The following CHST8 variants were observed in gnomAD, a reference collection of about 807,000 sequenced individuals.
CHST8 encodes the protein GALNAC-4-ST1.
Under a neutral mutation model 15.0 loss-of-function variants are expected in CHST8, and 10 were observed. The ratio of observed to expected loss-of-function variants is 0.67; its 90% CI spans 0.41 to 1.13. CHST8 has a LOEUF of 1.13. CHST8 is among the 50% of genes most tolerant of loss of function. CHST8 has a pLI of 0.00. For missense variants in CHST8, 634 were observed against 608.2 expected, an observed-to-expected ratio of 1.04 and a Z score of -0.45; for synonymous variants, 259 against 256.6, an observed-to-expected ratio of 1.01 and a Z score of -0.09.
At chr19:33,701,871 C>T (rs745326390) in intron 3 of CHST8, among the ~76,000 whole-genome samples, 4 of 152,192 alleles carry the variant, frequency 2.6e-5, no homozygotes, top group Non-Finnish European at 5.9e-5. Flanking sequence ...CTGAAGCCTG[C>T]GTGGCTCAGC....
At chr19:33,752,924 A>T (rs766146435) in intron 3 of CHST8, among the ~76,000 whole-genome samples, 23 of 152,234 alleles carry the variant, frequency 1.5e-4, no homozygotes, top group Non-Finnish European at 3.2e-4. Context: ...TAAAACAAAC[A>T]ACAATTTTTT....
At chr19:33,752,694 T>A (rs937014887) in intron 3 of CHST8, among the ~76,000 whole-genome samples, 3 of 152,160 alleles carry the variant, frequency 2.0e-5, no homozygotes. Context: ...ATTGTGGCAA[T>A]TAAAATCCTT....
chr19:33,756,744 G>A (rs543810132), intron 3 of CHST8, among the ~76,000 whole-genome samples: 6 of 152,152 alleles, frequency 3.9e-5, no homozygotes, highest in Non-Finnish European at 7.4e-5. Context: ...ACCTGAATTT[G>A]TTTTCCCACT....
chr19:33,765,589 G>A (rs78840370), intron 3 of CHST8, among the ~76,000 whole-genome samples: 1,637 of 150,570 alleles, frequency 0.011, 26 homozygotes, highest in African/African-American at 0.038. Flanking sequence ...GAGAGACGGA[G>A]TCTTACTCTG....
chr19:33,709,861 T>C (rs542429135), intron 3 of CHST8, among the ~76,000 whole-genome samples: 49 of 152,296 alleles, frequency 3.2e-4, no homozygotes, highest in African/African-American at 1.1e-3. Flanking sequence ...TTTTTAAAGA[T>C]GGAGTTTTGC....
intron 3 of CHST8, among the ~76,000 whole-genome samples, chr19:33,758,709 G>A (rs1388444360): frequency 6.6e-6 from 1 of 152,242 alleles, no homozygotes; most frequent in Admixed American, 6.5e-5. Flanking sequence ...AGAAGGACAT[G>A]CTGCCCACGT....
At chr19:33,623,929 G>C (rs940824194) in intron 1 of CHST8, among the ~76,000 whole-genome samples, 6 of 152,232 alleles carry the variant, frequency 3.9e-5, no homozygotes, top group African/African-American at 1.2e-4. Context: ...ACCCTGAAGA[G>C]AGGGACCTCT....
At chr19:33,718,750 G>A (rs1973716662) in intron 3 of CHST8, among the ~76,000 whole-genome samples, 1 of 152,232 alleles carries the variant, frequency 6.6e-6, no homozygotes, top group Non-Finnish European at 1.5e-5. Flanking sequence ...CCAAGAAGAG[G>A]TCAGAGCCGC....
At chr19:33,654,268 T>C (rs1453562821) in intron 1 of CHST8, among the ~76,000 whole-genome samples, 2 of 152,212 alleles carry the variant, frequency 1.3e-5, no homozygotes, top group Non-Finnish European at 2.9e-5. Flanking sequence ...TTTTATAATT[T>C]AAAATATAAA....
At chr19:33,765,611 G>C (rs1974823823) in intron 3 of CHST8, among the ~76,000 whole-genome samples, 1 of 151,732 alleles carries the variant, frequency 6.6e-6, no homozygotes, top group African/African-American at 2.4e-5. Context: ...TGCCAGGTTA[G>C]AGTGTAGTGG....
intron 3 of CHST8, among the ~76,000 whole-genome samples, chr19:33,732,091 G>A (rs77426602): frequency 0.078 from 11,799 of 152,218 alleles, 611 homozygotes; most frequent in Middle Eastern, 0.13. Context: ...GCTGCATACC[G>A]ACTGTGCTCT....
intron 3 of CHST8, among the ~76,000 whole-genome samples, chr19:33,766,383 C>T (rs933463739): frequency 1.3e-5 from 2 of 152,212 alleles, no homozygotes; most frequent in South Asian, 2.1e-4. Flanking sequence ...TCAGGCCTCT[C>T]TCCCCCAACC....
In CHST8 at chr19:33,773,106, A is replaced by G. The variant is rs1019254279; in HGVS notation, c.*43A>G. ...CGGGGCCGCCCTGCCCCGGTCACTCACCTGTGCTCCCGGGCATCCTCCTGT... is the reference window on the plus strand; with the variant it reads ...CGGGGCCGCCCTGCCCCGGTCACTCGCCTGTGCTCCCGGGCATCCTCCTGT... On this transcript the variant is annotated 3_prime_UTR_variant, in exon 5 of 5. Transcript: ENST00000650847. 1.3e-5 allele frequency: 20 copies of G among 1,535,932 alleles called. No individual in the cohort carries two copies. The highest frequency in any genetic ancestry group is 4.1e-5 in the African/African-American group (3 of 73,356).
At chr19:33,640,698 G>A (rs187410864) in intron 1 of CHST8, among the ~76,000 whole-genome samples, 19 of 152,274 alleles carry the variant, frequency 1.2e-4, no homozygotes, top group South Asian at 2.1e-4. Flanking sequence ...AATAAATGCC[G>A]GGGATGTGAC....
chr19:33,723,731 C>A (rs1973843145), intron 3 of CHST8, among the ~76,000 whole-genome samples: 1 of 152,254 alleles, frequency 6.6e-6, no homozygotes, highest in South Asian at 2.1e-4. Flanking sequence ...GTGGTCAGAA[C>A]TTAGCTTCTC....
intron 1 of CHST8, among the ~76,000 whole-genome samples, chr19:33,637,153 G>C (rs1050222120): frequency 8.5e-5 from 13 of 152,174 alleles, no homozygotes; most frequent in African/African-American, 3.1e-4. Context: ...TCACCATCTT[G>C]GTTTTGGTAG....
At chr19:33,684,622 G>GC (rs1972942447) in intron 2 of CHST8, 1 of 152,234 alleles carries the variant, frequency 6.6e-6, no homozygotes, top group Non-Finnish European at 1.5e-5. Context: ...ATCAAGAAGA[G>GC]CCCCATCTCA....
At chr19:33,771,532 A>C in intron 4 of CHST8, 82 bp downstream of exon 4, 27 of 1,334,482 alleles carry the variant, frequency 2.0e-5, no homozygotes, top group Non-Finnish European at 2.7e-5. Context: ...TTAGGAGCTC[A>C]CATTGGATCC....
At chr19:33,756,164 C>T (rs1280442435) in intron 3 of CHST8, among the ~76,000 whole-genome samples, 1 of 152,206 alleles carries the variant, frequency 6.6e-6, no homozygotes, top group East Asian at 1.9e-4. Flanking sequence ...TATTGAATAA[C>T]GTGAATACTG....
Sources: gnomAD v4.1 joint callset for allele counts (sites outside exome capture counted in the v4.1 genomes callset) on GRCh38, gnomAD v4.1.1 for gene constraint, MANE v1.5 for transcripts, NCBI Gene and HGNC (gene_info 2026-07-23, HGNC 2026-07-21) for gene names.